The following MYH14 variants were observed in gnomAD, a reference collection of about 807,000 sequenced individuals.
MYH14 encodes the protein myosin heavy chain 14.
A neutral mutation model predicts 255.5 loss-of-function variants in MYH14; 123 were observed. The observed-to-expected ratio is 0.48, with a 90% CI of 0.42 to 0.56. The LOEUF (loss-of-function observed/expected upper bound fraction) is 0.56, where lower values mean the gene tolerates loss of function less well. Among genes scored for constraint, MYH14 ranks in the 20% least tolerant of loss-of-function variants. MYH14 has a pLI of 0.00. For missense variants in MYH14, 2,423 were observed against 2,802.3 expected, an observed-to-expected ratio of 0.86 and a Z score of 3.06; for synonymous variants, 1,095 against 1,161.2, an observed-to-expected ratio of 0.94 and a Z score of 1.16.
At position 50,250,412 on chromosome 19, in the gene MYH14, T is replaced by C; in HGVS notation, c.1657-103T>C. Reference sequence around the variant, plus strand: ...CACCGTGCCTGGCATCTCACGTTTGTTTTTATGTCCAAGTGTGACTTATAA... The same window carrying C: ...CACCGTGCCTGGCATCTCACGTTTGCTTTTATGTCCAAGTGTGACTTATAA... On this transcript the variant is annotated intron_variant, in intron 14 of 42. Transcript: ENST00000642316. The surrounding 1 kb of genome is among the most constrained non-coding windows in gnomAD (Gnocchi z 5.4). The C allele has an allele frequency of 1.6e-6, 2 of 1,280,480 alleles. No individual in the cohort carries two copies. The highest frequency in any genetic ancestry group is 2.6e-5 in the South Asian group (2 of 76,428). 79.3% of individuals were successfully genotyped at this position (1,280,480 alleles called of 1,614,324 possible).
chr19:50,227,053 G>T, intron 8 of MYH14, 87 bp downstream of exon 8: 2 of 1,343,180 alleles, frequency 1.5e-6, no homozygotes, highest in South Asian at 2.4e-5. Flanking sequence ...CCCACTGCAG[G>T]GACCCCTTAC....
intron 15 of MYH14, among the ~76,000 whole-genome samples, chr19:50,251,949 C>T (rs1445648673): frequency 6.6e-6 from 1 of 151,028 alleles, no homozygotes; most frequent in Non-Finnish European, 1.5e-5. Flanking sequence ...GTTTGCTGAC[C>T]CCTGGTTTTG....
intron 22 of MYH14, among the ~76,000 whole-genome samples, chr19:50,263,631 C>A (rs75862161): frequency 2.0e-5 from 3 of 152,090 alleles, no homozygotes; most frequent in Admixed American, 2.0e-4. Context: ...AGATTCAAGA[C>A]AATGTGGGCT....
chr19:50,270,582 A>T (rs1019762196), intron 24 of MYH14, among the ~76,000 whole-genome samples: 40 of 151,826 alleles, frequency 2.6e-4, no homozygotes, highest in African/African-American at 9.4e-4. Context: ...TAAATTCAAA[A>T]AATAAAATTG....
chr19:50,281,396 G>A (rs530322769), intron 32 of MYH14, among the ~76,000 whole-genome samples, 198 bp from the exon 33 acceptor site: 12 of 152,202 alleles, frequency 7.9e-5, no homozygotes, highest in Non-Finnish European at 1.5e-4. Context: ...CTTGGAGGGA[G>A]TAATTTTAAT....
At chr19:50,204,801 G>A (rs577545376) in intron 1 of MYH14, among the ~76,000 whole-genome samples, 1 of 152,242 alleles carries the variant, frequency 6.6e-6, no homozygotes, top group South Asian at 2.1e-4. Context: ...AGGCTGAGCA[G>A]GGAGGATCGG....
chr19:50,288,722 G>A (rs2035971556), intron 34 of MYH14, among the ~76,000 whole-genome samples: 1 of 152,138 alleles, frequency 6.6e-6, no homozygotes, highest in Admixed American at 6.6e-5. Context: ...TGCACAAAAA[G>A]CCACCTAAGC....
At chr19:50,271,710 G>A in intron 25 of MYH14, 139 bp from the exon 26 acceptor site, 1 of 1,457,166 alleles carries the variant, frequency 6.9e-7, no homozygotes. Context: ...GGAGAGGGAG[G>A]TGTAGGGGGA....
At chr19:50,219,835 A>G (rs1211393579) in intron 3 of MYH14, among the ~76,000 whole-genome samples, 1 of 152,110 alleles carries the variant, frequency 6.6e-6, no homozygotes, top group African/African-American at 2.4e-5. Flanking sequence ...TATATCATCT[A>G]TTTTCATAGA....
rs752312470 is a variant in MYH14, at chr19:50,309,852, A to G, written c.*62A>G. ...CCAGCCCCCTTCCTCCCTGGACCCCACGGGCCCCTGTCCCAGGAACCCCGC... is the reference window on the plus strand; with the variant it reads ...CCAGCCCCCTTCCTCCCTGGACCCCGCGGGCCCCTGTCCCAGGAACCCCGC... On this transcript the variant is annotated 3_prime_UTR_variant, in exon 43 of 43. Transcript: ENST00000642316. The G allele has an allele frequency of 1.4e-6, 2 of 1,450,820 alleles. No individual in the cohort carries two copies. The highest frequency in any genetic ancestry group is 2.1e-5 in the Admixed American group (1 of 46,568). The allele number at this position is 1,450,820 out of a possible 1,614,324, so 89.9% of individuals were successfully genotyped here.
intron 10 of MYH14, among the ~76,000 whole-genome samples, chr19:50,240,129 C>T (rs907631221): frequency 1.6e-4 from 25 of 152,162 alleles, no homozygotes; most frequent in African/African-American, 5.3e-4. Context: ...GTCACTCAGC[C>T]GTGTGTTTGT....
At chr19:50,238,133 A>G (rs1403546412) in intron 10 of MYH14, among the ~76,000 whole-genome samples, 1 of 152,192 alleles carries the variant, frequency 6.6e-6, no homozygotes, top group Non-Finnish European at 1.5e-5. Context: ...TGAGAGGTTG[A>G]GCAGGTAGCC....
At chr19:50,308,678 G>A in intron 41 of MYH14, 1 of 314,970 alleles carries the variant, frequency 3.2e-6, no homozygotes, top group African/African-American at 2.1e-5. Flanking sequence ...GTGGGGCCTG[G>A]AATGCCAGGC....
chr19:50,247,787 C>T (rs568303351), intron 12 of MYH14, among the ~76,000 whole-genome samples: 3 of 151,060 alleles, frequency 2.0e-5, no homozygotes, highest in South Asian at 2.1e-4. Flanking sequence ...TCAGTGAGGC[C>T]GGGTGTGGGG....
chr19:50,287,644 C>A (rs901935993), intron 34 of MYH14, among the ~76,000 whole-genome samples: 1 of 152,112 alleles, frequency 6.6e-6, no homozygotes, highest in Non-Finnish European at 1.5e-5. Context: ...AACTCCTAGG[C>A]TCAAACAATC....
At chr19:50,309,600 C>T (rs1173749204) in intron 42 of MYH14, 40 bp from the exon 43 acceptor site, 1 of 1,479,454 alleles carries the variant, frequency 6.8e-7, no homozygotes, top group Admixed American at 1.8e-5. Flanking sequence ...CCTCCCCTCC[C>T]CTCATTTCAT....
chr19:50,232,420 C>T (rs537341862), intron 10 of MYH14, among the ~76,000 whole-genome samples: 68 of 136,104 alleles, frequency 5.0e-4, no homozygotes, highest in South Asian at 4.8e-3. Flanking sequence ...GGTGAAACAC[C>T]GTTTCTACTG....
intron 40 of MYH14, among the ~76,000 whole-genome samples, chr19:50,304,137 T>C (rs1195324211): frequency 6.6e-6 from 1 of 152,230 alleles, no homozygotes; most frequent in East Asian, 1.9e-4. Context: ...ATTTTGCATG[T>C]AGAAAAACTG....
In MYH14 at chr19:50,257,496, T is replaced by C; in HGVS notation, c.2232+10T>C. Reference sequence around the variant, plus strand: ...CAACCACGAGAAGAGGGTGAGTGACTCAGCCTGGGGAGGAAGGGGTGGCTG... The same window carrying C: ...CAACCACGAGAAGAGGGTGAGTGACCCAGCCTGGGGAGGAAGGGGTGGCTG... On this transcript the variant is annotated intron_variant, in intron 18 of 42. Transcript: ENST00000642316. 1 of 1,592,266 alleles carries C rather than the reference T, an allele frequency of 6.3e-7. No homozygotes were observed. The highest frequency in any genetic ancestry group is 1.1e-5 in the South Asian group (1 of 87,546).
Sources: gnomAD v4.1 joint callset for allele counts (sites outside exome capture counted in the v4.1 genomes callset) on GRCh38, gnomAD v4.1.1 for gene constraint, Gnocchi (gnomAD v3.1) non-coding constraint, MANE v1.5 for transcripts, NCBI Gene and HGNC (gene_info 2026-07-23, HGNC 2026-07-21) for gene names.